The following PEBP4 variants were observed in gnomAD, a reference collection of about 807,000 sequenced individuals.
PEBP4 encodes phosphatidylethanolamine-binding protein 4.
Under a neutral mutation model 23.9 loss-of-function variants are expected in PEBP4, and 22 were observed. That is an observed-to-expected ratio of 0.92 (90% CI 0.66 to 1.31). PEBP4 has a LOEUF of 1.31. PEBP4 is among the 40% of genes most tolerant of loss of function. PEBP4 has a pLI of 0.00. For synonymous variants in PEBP4, 112 were observed against 99.3 expected (o/e 1.13, Z -0.76); for missense variants, 324 against 281.7 (o/e 1.15, Z -1.07).
upstream of PEBP4, among the ~76,000 whole-genome samples, chr8:22,932,113 T>C (rs1385935729): frequency 6.6e-6 from 1 of 152,190 alleles, no homozygotes; most frequent in Non-Finnish European, 1.5e-5. Flanking sequence ...GGGAAAACAC[T>C]GTGCTAAGTG....
In PEBP4 at chr8:22,801,352, G is replaced by A. The variant is rs112849448; in HGVS notation, c.357+16285C>T. On this transcript the variant is annotated intron_variant, in intron 4 of 6. Transcript: ENST00000256404. ...ACTGGTTCAGAGTCACAGAGCAGTC[G>A]TATGGACCCAGGTCCACCTGGTGTC... is the stretch of plus-strand genomic sequence containing the variant. Among the ~76,000 whole-genome samples, 1,486 of 152,198 alleles carry A rather than the reference G, an allele frequency of 9.8e-3. 25 individuals carry two copies. Among genetic ancestry groups the A allele is most frequent in the African/African-American group, 0.033 (1,387 of 41,508 alleles).
intron 6 of PEBP4, among the ~76,000 whole-genome samples, chr8:22,721,701 C>T (rs1342764427): frequency 1.3e-5 from 2 of 152,094 alleles, no homozygotes; most frequent in Non-Finnish European, 2.9e-5. Flanking sequence ...TACCACACTG[C>T]CCCCCTCCCA....
chr8:22,849,666 T>C (rs111546418), intron 3 of PEBP4, among the ~76,000 whole-genome samples: 158 of 152,342 alleles, frequency 1.0e-3, no homozygotes, highest in African/African-American at 3.6e-3. Context: ...TTCTCTGACA[T>C]CCTGGGTGTC....
At chr8:22,843,181 C>A (rs1585302590) in intron 3 of PEBP4, among the ~76,000 whole-genome samples, 1 of 151,820 alleles carries the variant, frequency 6.6e-6, no homozygotes, top group African/African-American at 2.4e-5. Context: ...CCAGGCTGGT[C>A]TTGAACTCCG....
upstream of PEBP4, among the ~76,000 whole-genome samples, chr8:22,932,103 G>A (rs1042245359): frequency 6.6e-6 from 1 of 152,186 alleles, no homozygotes; most frequent in African/African-American, 2.4e-5. Context: ...GGAGCCATGG[G>A]GGAAAACACT....
At chr8:22,911,459 G>A (rs892981741) in intron 3 of PEBP4, among the ~76,000 whole-genome samples, 2 of 152,160 alleles carry the variant, frequency 1.3e-5, no homozygotes, top group Non-Finnish European at 2.9e-5. Context: ...CAGCAGAGCT[G>A]GGAGCTCCAC....
intron 3 of PEBP4, among the ~76,000 whole-genome samples, chr8:22,901,949 C>T (rs746042296): frequency 6.6e-6 from 1 of 152,214 alleles, no homozygotes; most frequent in Admixed American, 6.5e-5. Context: ...GTCAGCTATC[C>T]AGAAGATGAG....
At chr8:22,896,715 G>A (rs913656606) in intron 3 of PEBP4, among the ~76,000 whole-genome samples, 1 of 152,124 alleles carries the variant, frequency 6.6e-6, no homozygotes, top group Non-Finnish European at 1.5e-5. Context: ...AGGTTGCAAG[G>A]TGACAACTTA....
At chr8:22,813,815 G>A (rs897898970) in intron 4 of PEBP4, among the ~76,000 whole-genome samples, 10 of 152,288 alleles carry the variant, frequency 6.6e-5, no homozygotes, top group South Asian at 2.1e-4. Context: ...GCCTGGCCAG[G>A]TTCGGAGACT....
intron 3 of PEBP4, among the ~76,000 whole-genome samples, chr8:22,914,425 C>T (rs1254673067): frequency 6.6e-6 from 1 of 152,184 alleles, no homozygotes; most frequent in Non-Finnish European, 1.5e-5. Flanking sequence ...CCAGCCCCTG[C>T]CAGCACTTAA....
At position 22,724,667 on chromosome 8, in the gene PEBP4, G is replaced by A. The variant is rs572119610; in HGVS notation, c.517+176C>T. ...CTTCTCAAGGGAGACCACACCTGAT[G>A]CCAACATCTTTAGGGCACTCCTTCC... On this transcript the variant is annotated intron_variant, in intron 6 of 6. Transcript: ENST00000256404. Among the ~76,000 whole-genome samples, 51 of 152,340 alleles carry A rather than the reference G, an allele frequency of 3.3e-4. 1 individual carries two copies. In the South Asian group the frequency reaches 3.9e-3, roughly 12 times the overall value.
rs1051176602 is a variant in PEBP4 at position 22,725,999 on chromosome 8, A to G, written c.404-1043T>C. Among the ~76,000 whole-genome samples the G allele has an allele frequency of 5.1e-3, 745 of 146,442 alleles. 6 individuals carry two copies. Among genetic ancestry groups the G allele is most frequent in the African/African-American group, 0.016 (625 of 39,670 alleles). On this transcript the variant is annotated intron_variant, in intron 5 of 6. Coordinates refer to ENST00000256404, the MANE Select transcript of PEBP4 (RefSeq NM_144962.3). ...CATTTTTGGATCGCAGATCAGATAT[A>G]TGTGTGTGTGTGTGTGTGTGTGTGT...
chr8:22,913,880 A>T (rs1809004259), intron 3 of PEBP4, among the ~76,000 whole-genome samples: 2 of 151,544 alleles, frequency 1.3e-5, no homozygotes, highest in Admixed American at 1.3e-4. Flanking sequence ...GCACAATCAT[A>T]GCTCCTTAGC....
At chr8:22,717,625 G>C (rs1022945053) in intron 6 of PEBP4, among the ~76,000 whole-genome samples, 2 of 152,216 alleles carry the variant, frequency 1.3e-5, no homozygotes, top group African/African-American at 4.8e-5. Flanking sequence ...GCAGCCTCTT[G>C]TCCCAGGGCG....
chr8:22,854,486 G>A lies in PEBP4; in HGVS notation c.259-36751C>T, dbSNP rs138761961. Among the ~76,000 whole-genome samples the A allele has an allele frequency of 7.2e-4, 109 of 152,294 alleles. 1 individual carries two copies. Among genetic ancestry groups the A allele is most frequent in the African/African-American group, 2.1e-3 (88 of 41,554 alleles). ...TCTCAGGAACGTGCCTGGTGGAAATGAATGTAATAGTGCCTTGATAAGAGC... is the reference window on the plus strand; with the variant it reads ...TCTCAGGAACGTGCCTGGTGGAAATAAATGTAATAGTGCCTTGATAAGAGC... On this transcript the variant is annotated intron_variant, in intron 3 of 6. Transcript: ENST00000256404.
chr8:22,883,866 A>T (rs1585323360), intron 3 of PEBP4: 2 of 152,256 alleles, frequency 1.3e-5, no homozygotes, highest in East Asian at 3.9e-4. Flanking sequence ...CAGGTGGCTT[A>T]AATTTTGATT....
intron 4 of PEBP4, chr8:22,757,899 T>C (rs2033016036): frequency 6.6e-6 from 1 of 152,252 alleles, no homozygotes; most frequent in South Asian, 2.1e-4. Context: ...TCTTGGTCTC[T>C]CTGTGCCCAG....
intron 4 of PEBP4, among the ~76,000 whole-genome samples, chr8:22,799,342 G>C (rs7013455): frequency 0.021 from 3,269 of 152,286 alleles, 115 homozygotes; most frequent in African/African-American, 0.075. Flanking sequence ...CTCTCCCCAT[G>C]TGACTAGCCC....
intron 4 of PEBP4, among the ~76,000 whole-genome samples, chr8:22,814,191 G>A (rs1360988492): frequency 6.6e-6 from 1 of 152,200 alleles, no homozygotes; most frequent in African/African-American, 2.4e-5. Flanking sequence ...TTGAGACACA[G>A]AGAGGTTGAG....
Sources: allele counts gnomAD v4.1 joint callset (sites outside exome capture counted in the v4.1 genomes callset), GRCh38; gene constraint gnomAD v4.1.1; transcripts MANE v1.5; gene names NCBI Gene and HGNC (gene_info 2026-07-23, HGNC 2026-07-21).